RFX3: variants seen among roughly 807,000 people sequenced by gnomAD.
RFX3 encodes regulatory factor X3.
In RFX3, 14 loss-of-function variants were observed where a neutral mutation model predicts 98.6. The ratio of observed to expected loss-of-function variants is 0.14; its 90% CI spans 0.09 to 0.22. RFX3 has a LOEUF of 0.22. Ranked by LOEUF, RFX3 falls within the 10% of genes least tolerant of loss-of-function variation. The probability of loss-of-function intolerance (pLI) is 1.00; values close to 1 mark genes in which losing one functional copy is unlikely to be tolerated. For missense variants in RFX3, 639 were observed against 926.9 expected, an observed-to-expected ratio of 0.69 and a Z score of 4.03; for synonymous variants, 383 against 328.4, an observed-to-expected ratio of 1.17 and a Z score of -1.80.
intron 1 of RFX3, among the ~76,000 whole-genome samples, chr9:3,399,751 A>C (rs1311626297): frequency 6.6e-6 from 1 of 151,852 alleles, no homozygotes; most frequent in Non-Finnish European, 1.5e-5. Flanking sequence ...GGAGTTTGAG[A>C]CCAGCCTGAA....
rs536205327 is a variant in RFX3, at chr9:3,490,681, C to T, written c.-9+35066G>A. ...AAAGCATTCTTTAAAAGAATATGTG[C>T]TTTTAAACTGTGAAGATGAGAGAGC... On this transcript the variant is annotated intron_variant, in intron 1 of 16. Coordinates refer to ENST00000617270, the MANE Select transcript of RFX3 (RefSeq NM_001282116.2). 1.5e-3 allele frequency among the ~76,000 whole-genome samples: 235 copies of T among 152,068 alleles called. 1 individual carries two copies. The highest frequency in any genetic ancestry group is 5.5e-3 in the African/African-American group (229 of 41,502).
At chr9:3,308,134 T>A (rs879500929) in intron 4 of RFX3, among the ~76,000 whole-genome samples, 3 of 152,172 alleles carry the variant, frequency 2.0e-5, no homozygotes, top group Admixed American at 6.6e-5. Flanking sequence ...TATTAAATGA[T>A]CACCCTGGGA....
At chr9:3,433,559 C>G (rs1314360723) in intron 1 of RFX3, among the ~76,000 whole-genome samples, 1 of 152,172 alleles carries the variant, frequency 6.6e-6, no homozygotes, top group Non-Finnish European at 1.5e-5. Context: ...AAAGTTATAG[C>G]TAGCTTCTGA....
At chr9:3,434,138 G>A (rs948466243) in intron 1 of RFX3, among the ~76,000 whole-genome samples, 1 of 152,040 alleles carries the variant, frequency 6.6e-6, no homozygotes, top group Admixed American at 6.6e-5. Flanking sequence ...TCAGAGAATC[G>A]TATTTTTGAG....
chr9:3,220,957 A>C lies in RFX3; in HGVS notation c.*4085T>G, dbSNP rs1289705417. On this transcript the variant is annotated 3_prime_UTR_variant, in exon 17 of 17. Coordinates refer to ENST00000617270, the MANE Select transcript of RFX3 (RefSeq NM_001282116.2). ...CCAATTTTCAACAGCACTGCATGCC[A>C]ATCCTCCTCCCCCATGATCTGCTGT... 2 of 152,176 alleles carry C rather than the reference A, an allele frequency of 1.3e-5. No individual in the cohort carries two copies. The highest frequency in any genetic ancestry group is 3.8e-4 in the East Asian group (2 of 5,206). The allele number at this position is 152,176 out of a possible 1,614,324, so 9.4% of individuals were successfully genotyped here. A position where few individuals can be genotyped will look rare whatever the true frequency, so the allele number is the denominator to read the frequency against.
At chr9:3,319,415 T>A (rs1831002847) in intron 4 of RFX3, among the ~76,000 whole-genome samples, 1 of 152,010 alleles carries the variant, frequency 6.6e-6, no homozygotes, top group East Asian at 1.9e-4. Context: ...TATAAATAGG[T>A]AGGTAACGGA....
intron 4 of RFX3, among the ~76,000 whole-genome samples, chr9:3,316,098 C>T (rs1205700364): frequency 6.6e-6 from 1 of 152,126 alleles, no homozygotes; most frequent in Non-Finnish European, 1.5e-5. Flanking sequence ...ATCAATATCG[C>T]TGATGAACAT....
chr9:3,274,873 T>C (rs1467095107), intron 9 of RFX3, among the ~76,000 whole-genome samples: 2 of 151,992 alleles, frequency 1.3e-5, no homozygotes, highest in African/African-American at 4.8e-5. Context: ...TGTATATCCA[T>C]ACATATGGAT....
At chr9:3,226,517 A>C (rs1462575891) in intron 16 of RFX3, among the ~76,000 whole-genome samples, 1 of 152,236 alleles carries the variant, frequency 6.6e-6, no homozygotes, top group Non-Finnish European at 1.5e-5. Flanking sequence ...ATTAACATGC[A>C]TTACCTAGAA....
rs114165896 is a variant in RFX3, at chr9:3,270,298, T to C, written c.1357+73A>G. 4.2e-3 allele frequency: 5,886 copies of C among 1,406,368 alleles called. 213 individuals carry two copies. In the African/African-American group the frequency reaches 0.075, roughly 18 times the overall value. 87.1% of individuals were successfully genotyped at this position (1,406,368 alleles called of 1,614,324 possible). Reference sequence around the variant, plus strand: ...AAATTAGAATCATTCTAGATTGCAATGTCACTTCTCAAAACTTCCTGGGTG... The same window carrying C: ...AAATTAGAATCATTCTAGATTGCAACGTCACTTCTCAAAACTTCCTGGGTG... On this transcript the variant is annotated intron_variant, in intron 11 of 16. Transcript: ENST00000617270.
intron 1 of RFX3, among the ~76,000 whole-genome samples, chr9:3,504,815 A>T (rs1424096796): frequency 1.0e-5 from 1 of 100,064 alleles, no homozygotes; most frequent in African/African-American, 4.1e-5. Flanking sequence ...TATAAAATAT[A>T]TATTATATAT....
chr9:3,468,815 G>GAAAAAAAAAAAAAAA (rs34057815), intron 1 of RFX3, among the ~76,000 whole-genome samples: 4 of 84,280 alleles, frequency 4.7e-5, no homozygotes, highest in East Asian at 2.6e-4. Flanking sequence ...TTTTCCTTTT[G>GAAAAAAAAAAAAAAA]AAAAAAAAAA....
In RFX3 at chr9:3,266,382, T is replaced by C. The variant is rs925246869; in HGVS notation, c.1358-77A>G. 4 of 880,154 alleles carry C rather than the reference T, an allele frequency of 4.5e-6. No individual in the cohort carries two copies. In the African/African-American group the frequency reaches 6.7e-5, roughly 15 times the overall value. 54.5% of individuals were successfully genotyped at this position (880,154 alleles called of 1,614,324 possible). A position where few individuals can be genotyped will look rare whatever the true frequency, so the allele number is the denominator to read the frequency against. ...ATGTTTGTGCTAGAATAAAAGAAAA[T>C]GCTCGTACACAATATCTGATACAGC... On this transcript the variant is annotated intron_variant, in intron 11 of 16. Transcript: ENST00000617270.
At chr9:3,332,366 A>G (rs1832694254) in intron 3 of RFX3, among the ~76,000 whole-genome samples, 1 of 152,212 alleles carries the variant, frequency 6.6e-6, no homozygotes, top group South Asian at 2.1e-4. Flanking sequence ...TATTTTAAAT[A>G]ATTTTGTGCA....
intron 1 of RFX3, among the ~76,000 whole-genome samples, chr9:3,467,096 G>A (rs10972155): frequency 8.8e-4 from 84 of 95,530 alleles, no homozygotes; most frequent in African/African-American, 5.3e-3. Context: ...ATACATATAT[G>A]TAAGTATATA....
intron 1 of RFX3, among the ~76,000 whole-genome samples, chr9:3,465,190 T>C (rs761452215): frequency 6.6e-6 from 1 of 152,216 alleles, no homozygotes; most frequent in African/African-American, 2.4e-5. Flanking sequence ...AGAGTATCAG[T>C]AGTCTGACAG....
intron 1 of RFX3, among the ~76,000 whole-genome samples, chr9:3,399,741 G>A (rs1044475426): frequency 1.3e-5 from 2 of 151,970 alleles, no homozygotes; most frequent in African/African-American, 4.8e-5. Flanking sequence ...CTCGAGGTCA[G>A]GAGTTTGAGA....
At chr9:3,522,536 G>C (rs1818820206) in intron 1 of RFX3, among the ~76,000 whole-genome samples, 1 of 149,716 alleles carries the variant, frequency 6.7e-6, no homozygotes, top group Admixed American at 6.7e-5. Flanking sequence ...TCCTATTACT[G>C]TTCTGGAAAA....
intron 1 of RFX3, among the ~76,000 whole-genome samples, chr9:3,491,861 G>A (rs898794326): frequency 2.6e-5 from 4 of 152,132 alleles, no homozygotes; most frequent in African/African-American, 9.7e-5. Flanking sequence ...AAGACTAGTT[G>A]TTTGGTATCA....
Sources: gnomAD v4.1 joint callset for allele counts (sites outside exome capture counted in the v4.1 genomes callset) on GRCh38, gnomAD v4.1.1 for gene constraint, MANE v1.5 for transcripts, NCBI Gene and HGNC (gene_info 2026-07-23, HGNC 2026-07-21) for gene names.